AGAP1: variants seen among roughly 807,000 people sequenced by gnomAD.
The protein encoded by AGAP1 is arf-GAP with GTPase, ANK repeat and PH domain-containing protein 1.
Under a neutral mutation model 105.3 loss-of-function variants are expected in AGAP1, and 29 were observed. That is an observed-to-expected ratio of 0.28 (90% CI 0.21 to 0.38). The LOEUF (loss-of-function observed/expected upper bound fraction) is 0.38. Among genes scored for constraint, AGAP1 ranks in the 10% least tolerant of loss-of-function variants. The probability of loss-of-function intolerance (pLI) is 1.00; values close to 1 mark genes in which losing one functional copy is unlikely to be tolerated. For synonymous variants in AGAP1, 509 were observed against 485.9 expected (o/e 1.05, Z -0.63); for missense variants, 998 against 1,165.1 (o/e 0.86, Z 2.09).
intron 13 of AGAP1, among the ~76,000 whole-genome samples, chr2:236,019,919 A>T (rs892392045): frequency 6.6e-6 from 1 of 152,210 alleles, no homozygotes; most frequent in Non-Finnish European, 1.5e-5. Flanking sequence ...CCCCACTGTG[A>T]GAGGCTGCCT....
chr2:235,933,652 G>A (rs7598505), intron 12 of AGAP1, among the ~76,000 whole-genome samples: 16,520 of 151,436 alleles, frequency 0.11, 2,883 homozygotes, highest in African/African-American at 0.37. Context: ...CCTGCCTCAG[G>A]CTCCCGAGTA....
intron 14 of AGAP1, among the ~76,000 whole-genome samples, chr2:236,039,597 C>T (rs1252871777): frequency 6.6e-6 from 1 of 152,190 alleles, no homozygotes; most frequent in African/African-American, 2.4e-5. Flanking sequence ...TTGGAAGCAA[C>T]TTAAATGTCC....
intron 9 of AGAP1, among the ~76,000 whole-genome samples, chr2:235,827,921 A>G (rs943773688): frequency 3.9e-5 from 6 of 152,204 alleles, no homozygotes; most frequent in South Asian, 4.1e-4. Flanking sequence ...GGGAGGCTGC[A>G]CTGGCTTCTG....
intron 1 of AGAP1, among the ~76,000 whole-genome samples, chr2:235,651,380 A>G (rs1421416082): frequency 6.6e-6 from 1 of 151,808 alleles, no homozygotes; most frequent in Non-Finnish European, 1.5e-5. Flanking sequence ...TTTTTGACAT[A>G]CTCCAGTCCT....
rs941298297 is a variant in AGAP1 at position 236,128,902 on chromosome 2, G to A, written c.*4780G>A. 15 of 152,174 alleles carry A rather than the reference G, an allele frequency of 9.9e-5. No individual in the cohort carries two copies. Among genetic ancestry groups the A allele is most frequent in the Non-Finnish European group, 1.9e-4 (13 of 68,042 alleles). 9.4% of individuals were successfully genotyped at this position (152,174 alleles called of 1,614,324 possible). ...TTGAGACTTTTCTAGAACTCCCCGG[G>A]GTTGTATTTATGGCCTTCAAGCAAA... On this transcript the variant is annotated 3_prime_UTR_variant, in exon 18 of 18. Transcript: ENST00000304032. This position sits in a 1 kb window ranked among gnomAD's most constrained non-coding sequence, Gnocchi z 5.9.
At chr2:235,594,104 C>T (rs929165161) in intron 1 of AGAP1, among the ~76,000 whole-genome samples, 9 of 152,204 alleles carry the variant, frequency 5.9e-5, no homozygotes, top group Admixed American at 5.2e-4. Flanking sequence ...AGTTTTCAAG[C>T]GGTGTTAAGG....
At chr2:236,071,463 A>G (rs925071287) in intron 16 of AGAP1, among the ~76,000 whole-genome samples, 2 of 152,204 alleles carry the variant, frequency 1.3e-5, no homozygotes, top group Non-Finnish European at 2.9e-5. Context: ...CCCCAAGGAT[A>G]CATACAATCT....
At chr2:235,699,261 G>T (rs186744192) in intron 1 of AGAP1, among the ~76,000 whole-genome samples, 1 of 152,122 alleles carries the variant, frequency 6.6e-6, no homozygotes, top group Non-Finnish European at 1.5e-5. Context: ...TCTAGGGCTT[G>T]GGGAGACCTC....
At chr2:235,521,025 G>T (rs758539193) in intron 1 of AGAP1, among the ~76,000 whole-genome samples, 3 of 152,152 alleles carry the variant, frequency 2.0e-5, no homozygotes, top group African/African-American at 7.2e-5. Flanking sequence ...GTGGTACATT[G>T]GTCATCTCTC....
intron 1 of AGAP1, among the ~76,000 whole-genome samples, chr2:235,518,165 G>A (rs1416408735): frequency 6.6e-6 from 1 of 152,176 alleles, no homozygotes; most frequent in Non-Finnish European, 1.5e-5. Context: ...GAAGACGACT[G>A]TTCTGCTGCA....
intron 10 of AGAP1, among the ~76,000 whole-genome samples, chr2:235,897,458 A>G (rs2050860092): frequency 6.6e-6 from 1 of 152,142 alleles, no homozygotes; most frequent in Non-Finnish European, 1.5e-5. Flanking sequence ...AATAGAATAT[A>G]TGTGTGTTTC....
chr2:235,646,449 C>T (rs955029505), intron 1 of AGAP1, among the ~76,000 whole-genome samples: 3 of 152,110 alleles, frequency 2.0e-5, no homozygotes, highest in Non-Finnish European at 4.4e-5. Flanking sequence ...ATGCAACATT[C>T]TAAGATGTGC....
In AGAP1 at chr2:236,090,826, G is replaced by A. The variant is rs1374422839; in HGVS notation, c.2115-29366G>A. ...ACGATCTTGGCTCACTGCAACCCCCGCCTCCCAGGTTCAAGCGATTCTCAT... is the reference window on the plus strand; with the variant it reads ...ACGATCTTGGCTCACTGCAACCCCCACCTCCCAGGTTCAAGCGATTCTCAT... On this transcript the variant is annotated intron_variant, in intron 16 of 17. Coordinates refer to ENST00000304032, the MANE Select transcript of AGAP1 (RefSeq NM_001037131.3). The surrounding 1 kb of genome is among the most constrained non-coding windows in gnomAD (Gnocchi z 4.3). Among the ~76,000 whole-genome samples the A allele has an allele frequency of 2.0e-5, 3 of 152,072 alleles. No individual in the cohort carries two copies. Among genetic ancestry groups the A allele is most frequent in the African/African-American group, 4.8e-5 (2 of 41,382 alleles).
Position 235,763,240 on chromosome 2 carries a change from C to T in AGAP1, c.673+12752C>T, listed in dbSNP as rs113155690. 5.7e-3 allele frequency among the ~76,000 whole-genome samples: 873 copies of T among 152,050 alleles called. 6 individuals are homozygous for T. The highest frequency in any genetic ancestry group is 0.027 in the Middle Eastern group (8 of 294). On this transcript the variant is annotated intron_variant, in intron 6 of 17. Transcript: ENST00000304032. The stretch of plus-strand genomic sequence containing the variant: ...AGTGCAGACATGGCACACAAGTGCT[C>T]ACGCAGAATTTCGGATTCCAGGTTT...
intron 15 of AGAP1, among the ~76,000 whole-genome samples, chr2:236,048,417 G>A (rs1008301993): frequency 3.3e-5 from 5 of 152,222 alleles, no homozygotes; most frequent in African/African-American, 1.2e-4. Flanking sequence ...CGTTGGTTGC[G>A]CTGCGTGATA....
At chr2:235,925,285 A>T (rs1181631159) in intron 11 of AGAP1, among the ~76,000 whole-genome samples, 1 of 152,190 alleles carries the variant, frequency 6.6e-6, no homozygotes, top group Non-Finnish European at 1.5e-5. Flanking sequence ...GGAAATACAG[A>T]CATGCCTGCA....
In AGAP1 at chr2:235,719,041, G is replaced by GCTA. The variant is rs1951254829; in HGVS notation, c.310+1398_310+1400dup. ...TTGGGTTTTCCACTTATTTTCAAGG[G>GCTA]CTAGCTATTGTAGAGGTTATACAGA... is the stretch of plus-strand genomic sequence containing the variant. On this transcript the variant is annotated intron_variant, in intron 3 of 17. Coordinates refer to ENST00000304032, the MANE Select transcript of AGAP1 (RefSeq NM_001037131.3). The surrounding 1 kb of genome is among the most constrained non-coding windows in gnomAD (Gnocchi z 4.9). Among the ~76,000 whole-genome samples the GCTA allele has an allele frequency of 6.6e-6, 1 of 152,150 alleles. No individual in the cohort carries two copies. Among genetic ancestry groups the GCTA allele is most frequent in the Non-Finnish European group, 1.5e-5 (1 of 68,040 alleles).
chr2:235,749,124 A>G (rs1489434791), intron 5 of AGAP1, among the ~76,000 whole-genome samples: 2 of 152,030 alleles, frequency 1.3e-5, no homozygotes, highest in Non-Finnish European at 2.9e-5. Flanking sequence ...CAGGAGAATC[A>G]TTTGAAACCA....
rs1001599601 is a variant in AGAP1 at position 236,009,983 on chromosome 2, G to A, written c.1646-26578G>A. Reference sequence around the variant, plus strand: ...AAGAGTTTGGAATAAAACCCTGCTCGTTTGAGCATGCCAGCAGACTAAAGA... The same window carrying A: ...AAGAGTTTGGAATAAAACCCTGCTCATTTGAGCATGCCAGCAGACTAAAGA... On this transcript the variant is annotated intron_variant, in intron 13 of 17. Coordinates refer to ENST00000304032, the MANE Select transcript of AGAP1 (RefSeq NM_001037131.3). This position sits in a 1 kb window ranked among gnomAD's most constrained non-coding sequence, Gnocchi z 4.2. Among the ~76,000 whole-genome samples, 3 of 152,094 alleles carry A rather than the reference G, an allele frequency of 2.0e-5. No individual in the cohort carries two copies. Among genetic ancestry groups the A allele is most frequent in the African/African-American group, 4.8e-5 (2 of 41,414 alleles).
Sources: allele counts gnomAD v4.1 joint callset (sites outside exome capture counted in the v4.1 genomes callset), GRCh38; gene constraint gnomAD v4.1.1; non-coding constraint Gnocchi (gnomAD v3.1); transcripts MANE v1.5; gene names NCBI Gene and HGNC (gene_info 2026-07-23, HGNC 2026-07-21).